Variants in CP observed in about 807,000 individuals in gnomAD.
CP encodes the protein caeruloplasmin.
Under a neutral mutation model 122.4 loss-of-function variants are expected in CP, and 64 were observed. The ratio of observed to expected loss-of-function variants is 0.52; its 90% CI spans 0.43 to 0.64. CP has a LOEUF of 0.64. CP is among the 30% of genes least tolerant of loss of function. The pLI is 0.00. For missense variants in CP, 1,167 were observed against 1,284.4 expected, an observed-to-expected ratio of 0.91 and a Z score of 1.40; for synonymous variants, 440 against 436.4, an observed-to-expected ratio of 1.01 and a Z score of -0.10.
At chr3:149,199,915 A>G in intron 7 of CP, 51 bp from the exon 8 acceptor site, 1 of 1,562,656 alleles carries the variant, frequency 6.4e-7, no homozygotes, top group Non-Finnish European at 8.8e-7. Flanking sequence ...AACATGCAGA[A>G]TGTATAAGAT....
At chr3:149,167,657 T>G (rs902307199), downstream of CP, among the ~76,000 whole-genome samples, 4 of 152,188 alleles carry the variant, frequency 2.6e-5, no homozygotes, top group Admixed American at 2.6e-4. Flanking sequence ...AAAATAGCCA[T>G]GTACATATGT....
rs531865959 is a variant in CP at position 149,208,817 on chromosome 3, G to A, written c.781+394C>T. Reference sequence around the variant, plus strand: ...GTAAAACGAATACCTTTCAGAACTCGTGGTTTGAACTATTTTCTTAAATAT... The same window carrying A: ...GTAAAACGAATACCTTTCAGAACTCATGGTTTGAACTATTTTCTTAAATAT... On this transcript the variant is annotated intron_variant, in intron 4 of 18. Transcript: ENST00000264613. Among the ~76,000 whole-genome samples the A allele has an allele frequency of 1.1e-4, 16 of 152,276 alleles. 1 individual carries two copies. In the South Asian group the frequency reaches 3.3e-3, roughly 32 times the overall value.
chr3:149,185,132 T>A, intron 12 of CP, 107 bp downstream of exon 12: 1 of 970,138 alleles, frequency 1.0e-6, no homozygotes. Flanking sequence ...GTTGTTATTG[T>A]TTAATGCAAC....
At chr3:149,162,790 T>C (rs1724010028) in exon 6 of CP, 2 of 1,613,930 alleles carry the variant, frequency 1.2e-6, no homozygotes, top group Non-Finnish European at 1.7e-6. Context: ...CTTCAGGAAC[T>C]CTTTTTCAAA....
At chr3:149,211,728 A>G (rs1728112217) in intron 2 of CP, among the ~76,000 whole-genome samples, 1 of 152,240 alleles carries the variant, frequency 6.6e-6, no homozygotes, top group South Asian at 2.1e-4. Context: ...ACAGCACAGT[A>G]TGTTTACATG....
chr3:149,220,064 T>G (rs1169967524), intron 1 of CP, among the ~76,000 whole-genome samples: 1 of 152,212 alleles, frequency 6.6e-6, no homozygotes, highest in South Asian at 2.1e-4. Flanking sequence ...AACAGGCTTA[T>G]ACTCATTGGG....
chr3:149,203,051 C>T (rs538358543), intron 6 of CP, among the ~76,000 whole-genome samples: 16 of 150,660 alleles, frequency 1.1e-4, no homozygotes, highest in African/African-American at 2.4e-4. Context: ...GGACTACAGG[C>T]GCCCGCCACA....
intron 11 of CP, 48 bp downstream of exon 11, chr3:149,186,472 A>G: frequency 6.3e-7 from 1 of 1,579,532 alleles, no homozygotes; most frequent in Non-Finnish European, 8.7e-7. Flanking sequence ...TTTTAAACCA[A>G]AACTACACAA....
At chr3:149,216,079 T>C (rs938576110) in intron 1 of CP, among the ~76,000 whole-genome samples, 1 of 152,348 alleles carries the variant, frequency 6.6e-6, no homozygotes. Flanking sequence ...TTGGGTATTA[T>C]AGGTGAAAAG....
chr3:149,174,474 A>G (rs759542644), intron 18 of CP, among the ~76,000 whole-genome samples: 5 of 152,232 alleles, frequency 3.3e-5, no homozygotes, highest in Non-Finnish European at 5.9e-5. Context: ...GAGAAAGCCA[A>G]TGTGGCTACG....
chr3:149,171,905 C>T (rs1402806757), downstream of CP, among the ~76,000 whole-genome samples: 1 of 151,958 alleles, frequency 6.6e-6, no homozygotes, highest in Non-Finnish European at 1.5e-5. Context: ...CAGGGTTTCA[C>T]CATGTTGGCC....
At chr3:149,178,909 C>CA (rs1725600578) in intron 15 of CP, among the ~76,000 whole-genome samples, 3 of 152,176 alleles carry the variant, frequency 2.0e-5, no homozygotes, top group Non-Finnish European at 4.4e-5. Flanking sequence ...TTAAAAGAAT[C>CA]CCAAATGAAC....
At chr3:149,208,322 A>C (rs191760033) in intron 4 of CP, among the ~76,000 whole-genome samples, 65 of 152,288 alleles carry the variant, frequency 4.3e-4, no homozygotes, top group Non-Finnish European at 7.8e-4. Context: ...ACCACATGTA[A>C]CACTGGTACC....
chr3:149,171,754 G>T (rs1230888685), downstream of CP, among the ~76,000 whole-genome samples: 1 of 143,080 alleles, frequency 7.0e-6, no homozygotes, highest in South Asian at 2.2e-4. Context: ...ACCTAGGCTG[G>T]AGTGCAGTGG....
chr3:149,196,693 ACCACATATG>A (rs1390961342), intron 9 of CP, among the ~76,000 whole-genome samples: 1 of 152,208 alleles, frequency 6.6e-6, no homozygotes, highest in Non-Finnish European at 1.5e-5. Flanking sequence ...ATTGTAACAC[ACCACATATG>A]CTTAAATCCA....
intron 14 of CP, 32 bp downstream of exon 14, chr3:149,181,973 T>TGGGGGGGGGGGGGGGGGGG: frequency 2.2e-6 from 3 of 1,375,568 alleles, no homozygotes; most frequent in Non-Finnish European, 3.1e-6. Flanking sequence ...CCTGTTAAAA[T>TGGGGGGGGGGGGGGGGGGG]GCACCACCCC....
intron 8 of CP, 21 bp from the exon 9 acceptor site, chr3:149,198,599 G>A (rs776834927): frequency 1.0e-5 from 16 of 1,605,206 alleles, no homozygotes; most frequent in Non-Finnish European, 1.4e-5. Flanking sequence ...GGTCACATTA[G>A]AGAGGTGAAG....
intron 2 of CP, among the ~76,000 whole-genome samples, chr3:149,210,815 C>A (rs909693582): frequency 6.6e-6 from 1 of 152,128 alleles, no homozygotes; most frequent in African/African-American, 2.4e-5. Flanking sequence ...AAATGCTGAA[C>A]CTCTGTGTAC....
In CP at chr3:149,184,895, G is replaced by A. The variant is rs570018739; in HGVS notation, c.2285+344C>T. ...AAAATAAGCAACAAACAGTTGCTAA[G>A]GGGAGTAATATTTCTGCTCTGAATT... is the stretch of plus-strand genomic sequence containing the variant. On this transcript the variant is annotated intron_variant, in intron 12 of 18. Coordinates refer to ENST00000264613, the MANE Select transcript of CP (RefSeq NM_000096.4). 1.4e-4 allele frequency among the ~76,000 whole-genome samples: 21 copies of A among 152,302 alleles called. No individual in the cohort carries two copies. In the East Asian group the frequency reaches 1.9e-3, roughly 14 times the overall value.
Sources: allele counts gnomAD v4.1 joint callset (sites outside exome capture counted in the v4.1 genomes callset), GRCh38; gene constraint gnomAD v4.1.1; transcripts MANE v1.5; gene names NCBI Gene and HGNC (gene_info 2026-07-23, HGNC 2026-07-21).